Variants in FGD1 observed in about 807,000 individuals in gnomAD.
The protein encoded by FGD1 is FYVE, RhoGEF and PH domain containing 1.
FGD1 carries 12 observed loss-of-function variants against 65.0 expected under a neutral mutation model. The ratio of observed to expected loss-of-function variants is 0.18; its 90% CI spans 0.12 to 0.30. The LOEUF (loss-of-function observed/expected upper bound fraction) is 0.30. Among genes scored for constraint, FGD1 ranks in the 10% least tolerant of loss-of-function variants. The pLI is 1.00. For missense variants in FGD1, 542 were observed against 837.6 expected, an observed-to-expected ratio of 0.65 and a Z score of 4.36; for synonymous variants, 333 against 343.9, an observed-to-expected ratio of 0.97 and a Z score of 0.35.
At chrX:54,484,645 A>AC (rs3216581) in intron 1 of FGD1, among the ~76,000 whole-genome samples, 39,743 of 111,442 alleles carry the variant, frequency 0.36, 8,494 homozygotes, top group African/African-American at 0.8. Flanking sequence ...TCCCCCGGCT[A>AC]TGCCCTGCAG....
At chrX:54,453,975 T>C (rs745432032) in intron 12 of FGD1, among the ~76,000 whole-genome samples, 6 of 112,230 alleles carry the variant, frequency 5.3e-5, no homozygotes, top group Non-Finnish European at 9.4e-5. Flanking sequence ...ATGTTTATTA[T>C]AAAAAACTTC....
At chrX:54,460,225 G>C (rs1311351008) in intron 8 of FGD1, among the ~76,000 whole-genome samples, 1 of 110,720 alleles carries the variant, frequency 9.0e-6, no homozygotes, top group Non-Finnish European at 1.9e-5. Context: ...GGCAGATCAT[G>C]AGGTCAGGAG....
chrX:54,488,382 A>T (rs1457567579), intron 1 of FGD1, among the ~76,000 whole-genome samples: 2 of 107,446 alleles, frequency 1.9e-5, no homozygotes, highest in Admixed American at 1.0e-4. Flanking sequence ...TCAGGAGATC[A>T]ACACCACCCT....
In FGD1 at chrX:54,448,928, C is replaced by T. The variant is rs373950992; in HGVS notation, c.2314G>A (p.Val772Ile). 1.1e-4 allele frequency: 127 copies of T among 1,209,463 alleles called. No individual in the cohort carries two copies. Among genetic ancestry groups the T allele is most frequent in the Non-Finnish European group, 1.2e-4 (105 of 894,876 alleles). Residue 772 changes from valine to isoleucine, a missense_variant, in exon 16 of 18, where the codon GTC (valine) becomes ATC (isoleucine). Physicochemically the swap from Val to Ile is conservative, Grantham distance 29. Coordinates refer to ENST00000375135, the MANE Select transcript of FGD1 (RefSeq NM_004463.3). ...GKCSEFRARLVYDNNRSNRVC... is the reference protein window; with the variant it reads ...GKCSEFRARLIYDNNRSNRVC... ...CGGTTGGAGCGGTTGTTGTCATAGA[C>T]GAGGCGGGCCCGGAACTCGGAGCAC...
intron 1 of FGD1, among the ~76,000 whole-genome samples, chrX:54,482,234 G>A (rs756213643): frequency 4.3e-5 from 3 of 70,248 alleles, no homozygotes; most frequent in Admixed American, 1.6e-4. Context: ...GCGCACACGC[G>A]CGCACACACA....
chrX:54,486,271 AC>A, intron 1 of FGD1, among the ~76,000 whole-genome samples: 1 of 105,217 alleles, frequency 9.5e-6, no homozygotes, highest in Non-Finnish European at 1.9e-5. Flanking sequence ...TTTCTTAGAG[AC>A]GGAGTCTCGC....
chrX:54,491,853 T>A (rs1244442141), intron 1 of FGD1, among the ~76,000 whole-genome samples: 5 of 110,625 alleles, frequency 4.5e-5, no homozygotes, highest in African/African-American at 1.6e-4. Flanking sequence ...TCTTGGAGAC[T>A]CTGAAGATGC....
Position 54,495,438 on chromosome X carries a change from G to C in FGD1, c.-6C>G. On this transcript the variant is annotated 5_prime_UTR_variant, in exon 1 of 18. Coordinates refer to ENST00000375135, the MANE Select transcript of FGD1 (RefSeq NM_004463.3). Reference sequence around the variant, plus strand: ...GGGGCTCGGTGGCCATGCATGGTCCGGGCCTGGGCGCGGGGCCCGAGCTCC... The same window carrying C: ...GGGGCTCGGTGGCCATGCATGGTCCCGGCCTGGGCGCGGGGCCCGAGCTCC... 4 of 980,037 alleles carry C rather than the reference G, an allele frequency of 4.1e-6. No homozygotes were observed. The highest frequency in any genetic ancestry group is 5.1e-6 in the Non-Finnish European group (4 of 784,454). 80.8% of individuals were successfully genotyped at this position (980,037 alleles called of 1,213,427 possible).
intron 17 of FGD1, 56 bp from the exon 18 acceptor site, chrX:54,446,470 C>T: frequency 9.0e-7 from 1 of 1,108,256 alleles, no homozygotes; most frequent in Non-Finnish European, 1.2e-6. Flanking sequence ...TTTCCCCCGC[C>T]CCAGCTTCTA....
At chrX:54,473,899 G>A (rs1601956579) in intron 1 of FGD1, among the ~76,000 whole-genome samples, 1 of 110,612 alleles carries the variant, frequency 9.0e-6, no homozygotes, top group Non-Finnish European at 1.9e-5. Context: ...CAGGAGAATC[G>A]CTAGAACCAG....
chrX:54,446,289 G>A lies in FGD1; in HGVS notation c.2706C>T (p.Ser902=), dbSNP rs777975245. 2 of 1,212,020 alleles carry A rather than the reference G, an allele frequency of 1.7e-6. No individual in the cohort carries two copies. Among genetic ancestry groups the A allele is most frequent in the Non-Finnish European group, 2.2e-6 (2 of 895,470 alleles). ...GTCGCTGTAGTTCCTCTGTCTCAGG[G>A]CTGAAGTACCAGCTGAGGTGGCTCT... The part of the protein sequence containing the change: ...ITQSHLSWYF[S]PETEELQRRW... Residue 902 remains serine (S), a synonymous_variant, in exon 18 of 18, where the codon AGC becomes AGT. Coordinates refer to ENST00000375135, the MANE Select transcript of FGD1 (RefSeq NM_004463.3).
intron 3 of FGD1, 35 bp downstream of exon 3, chrX:54,470,548 T>G: frequency 8.4e-7 from 1 of 1,194,553 alleles, no homozygotes. Context: ...AGGCTCCCCC[T>G]TTCCCCTAGA....
At chrX:54,460,284 A>G (rs1408524224) in intron 8 of FGD1, among the ~76,000 whole-genome samples, 1 of 109,153 alleles carries the variant, frequency 9.2e-6, no homozygotes, top group African/African-American at 3.3e-5. Flanking sequence ...CTACTAAAAT[A>G]CAAAACTTAG....
intron 8 of FGD1, among the ~76,000 whole-genome samples, chrX:54,457,205 G>A (rs1407876045): frequency 9.0e-6 from 1 of 111,252 alleles, no homozygotes; most frequent in Non-Finnish European, 1.9e-5. Flanking sequence ...GTGGGGCCGT[G>A]GGTGGTTTTT....
chrX:54,447,120 C>T (rs2147420781), intron 17 of FGD1, among the ~76,000 whole-genome samples, 191 bp downstream of exon 17: 1 of 111,968 alleles, frequency 8.9e-6, no homozygotes, highest in African/African-American at 3.2e-5. Flanking sequence ...CTGGTTTTCC[C>T]TACATACCAC....
At chrX:54,482,236 G>GCGCACACACACACACACACACACACA (rs796491256) in intron 1 of FGD1, among the ~76,000 whole-genome samples, 5 of 99,390 alleles carry the variant, frequency 5.0e-5, no homozygotes, top group African/African-American at 1.9e-4. Flanking sequence ...GCACACGCGC[G>GCGCACACACACACACACACACACACA]CACACACACA....
intron 1 of FGD1, among the ~76,000 whole-genome samples, chrX:54,484,467 CCT>C (rs1271797552): frequency 9.0e-6 from 1 of 111,703 alleles, no homozygotes; most frequent in Non-Finnish European, 1.9e-5. Flanking sequence ...CCCTTGCTCC[CCT>C]CTTTCACTCT....
At chrX:54,481,664 A>G (rs957085566) in intron 1 of FGD1, among the ~76,000 whole-genome samples, 5 of 105,642 alleles carry the variant, frequency 4.7e-5, no homozygotes, top group African/African-American at 1.7e-4. Context: ...AGGAGAGAAG[A>G]CTTCCTAAAG....
chrX:54,484,239 A>C (rs2147443050), intron 1 of FGD1, among the ~76,000 whole-genome samples: 1 of 111,229 alleles, frequency 9.0e-6, no homozygotes, highest in South Asian at 3.8e-4. Context: ...TTCAGGTCTC[A>C]ACTCAAATAT....
Sources: allele counts gnomAD v4.1 joint callset (sites outside exome capture counted in the v4.1 genomes callset), GRCh38; gene constraint gnomAD v4.1.1; transcripts MANE v1.5; gene names NCBI Gene and HGNC (gene_info 2026-07-23, HGNC 2026-07-21).